AKT3: variants seen among roughly 807,000 people sequenced by gnomAD.
AKT3 encodes the protein AKT serine/threonine kinase 3.
In AKT3, 15 loss-of-function variants were observed where a neutral mutation model predicts 65.3. The observed-to-expected ratio is 0.23, with a 90% CI of 0.15 to 0.35. The LOEUF (loss-of-function observed/expected upper bound fraction) is 0.35, where lower values mean the gene tolerates loss of function less well. Ranked by LOEUF, AKT3 falls within the 10% of genes least tolerant of loss-of-function variation. The pLI, the probability that AKT3 is intolerant of heterozygous loss-of-function variation, is 1.00. For missense variants in AKT3, 243 were observed against 576.5 expected, an observed-to-expected ratio of 0.42 and a Z score of 5.92; for synonymous variants, 206 against 183.8, an observed-to-expected ratio of 1.12 and a Z score of -0.98.
In AKT3 at chr1:243,592,266, C is replaced by T. The variant is rs907105839; in HGVS notation, c.697-19218G>A. ...AGGAGAATGGCGTGAACCCAGGAGG[C>T]GGAGCTTGCAGTGAGCCCAGATCAC... On this transcript the variant is annotated intron_variant, in intron 8 of 13. Transcript: ENST00000673466. Among the ~76,000 whole-genome samples, 12 of 151,534 alleles carry T rather than the reference C, an allele frequency of 7.9e-5. No individual in the cohort carries two copies. The East Asian group carries it at 1.7e-3, about 22-fold the overall frequency.
intron 8 of AKT3, among the ~76,000 whole-genome samples, chr1:243,582,816 T>C (rs1474940489): frequency 6.6e-6 from 1 of 151,930 alleles, no homozygotes; most frequent in Non-Finnish European, 1.5e-5. Flanking sequence ...CAGAGTGGCA[T>C]GTTGGATAAA....
At chr1:243,560,928 T>C (rs964972073) in intron 10 of AKT3, among the ~76,000 whole-genome samples, 3 of 152,102 alleles carry the variant, frequency 2.0e-5, no homozygotes, top group Non-Finnish European at 4.4e-5. Context: ...AGCAAATTTA[T>C]AGCAGGGGTA....
At chr1:243,751,645 A>C (rs1688819615) in intron 2 of AKT3, among the ~76,000 whole-genome samples, 1 of 152,116 alleles carries the variant, frequency 6.6e-6, no homozygotes, top group Non-Finnish European at 1.5e-5. Context: ...ATACACAGGG[A>C]CTCAGATTTA....
intron 1 of AKT3, among the ~76,000 whole-genome samples, chr1:243,849,096 C>T (rs376137357): frequency 6.6e-6 from 1 of 152,216 alleles, no homozygotes; most frequent in Non-Finnish European, 1.5e-5. Context: ...CCCGCCTCGG[C>T]GTCAGGGTCA....
In AKT3 at chr1:243,502,237, G is replaced by T. The variant is rs919690094; in HGVS notation, c.*3012C>A. 8.6e-6 allele frequency: 2 copies of T among 232,790 alleles called. No individual in the cohort carries two copies. The highest frequency in any genetic ancestry group is 1.1e-4 in the Admixed American group (2 of 17,780). 14.4% of individuals were successfully genotyped at this position (232,790 alleles called of 1,614,324 possible). A position where few individuals can be genotyped will look rare whatever the true frequency, so the allele number is the denominator to read the frequency against. The stretch of plus-strand genomic sequence containing the variant: ...TGTGTATGTTGAGGTGTAATAGAGA[G>T]ACCCTGCAGTTAGTAAGGAAGGCCC... On this transcript the variant is annotated 3_prime_UTR_variant, in exon 14 of 14. Transcript: ENST00000673466.
At chr1:243,634,181 T>C (rs1679808248) in intron 6 of AKT3, among the ~76,000 whole-genome samples, 1 of 152,112 alleles carries the variant, frequency 6.6e-6, no homozygotes, top group South Asian at 2.1e-4. Context: ...AGATTAGTTA[T>C]CATATCAGAT....
At chr1:243,731,789 G>A (rs1166283691) in intron 2 of AKT3, among the ~76,000 whole-genome samples, 2 of 152,102 alleles carry the variant, frequency 1.3e-5, no homozygotes, top group African/African-American at 4.8e-5. Flanking sequence ...ATGGACCAAT[G>A]TACTTCACTA....
At chr1:243,726,130 T>C (rs1687195564) in intron 2 of AKT3, among the ~76,000 whole-genome samples, 1 of 152,250 alleles carries the variant, frequency 6.6e-6, no homozygotes, top group African/African-American at 2.4e-5. Flanking sequence ...TTAATTATTC[T>C]GTTGCTGGGC....
At chr1:243,636,470 T>C (rs986859152) in intron 6 of AKT3, among the ~76,000 whole-genome samples, 1 of 147,438 alleles carries the variant, frequency 6.8e-6, no homozygotes, top group African/African-American at 2.4e-5. Context: ...GCTTAATTAA[T>C]AATAAGTGCC....
chr1:243,583,193 T>C (rs61833181), intron 8 of AKT3, among the ~76,000 whole-genome samples: 818 of 38,334 alleles, frequency 0.021, 5 homozygotes, highest in Non-Finnish European at 0.035. Flanking sequence ...TATATATATA[T>C]ATACACACAC....
intron 2 of AKT3, among the ~76,000 whole-genome samples, chr1:243,709,613 A>G (rs879728432): frequency 6.6e-6 from 1 of 152,126 alleles, no homozygotes; most frequent in Non-Finnish European, 1.5e-5. Flanking sequence ...ATAAAAATTT[A>G]AATTCTATTT....
downstream of AKT3, among the ~76,000 whole-genome samples, chr1:243,495,807 T>C (rs1667709859): frequency 6.6e-6 from 1 of 152,190 alleles, no homozygotes; most frequent in South Asian, 2.1e-4. Context: ...CGTGGCTTAT[T>C]TCATCCAGGT....
chr1:243,623,163 G>T (rs1413992412), intron 6 of AKT3, among the ~76,000 whole-genome samples: 1 of 152,194 alleles, frequency 6.6e-6, no homozygotes, highest in African/African-American at 2.4e-5. Context: ...ACAACAGGAT[G>T]CATGATTAAT....
rs1299671104 is a variant in AKT3 at position 243,512,105 on chromosome 1, T to C, written c.1354+219A>G. Among the ~76,000 whole-genome samples, 6 of 152,240 alleles carry C rather than the reference T, an allele frequency of 3.9e-5. No homozygotes were observed. The East Asian group carries it at 9.6e-4, about 24-fold the overall frequency. ...CAATTTCTCTCTATATAATTTGTCC[T>C]ACCCAGAAAAGCATTTCTTGCAGTC... On this transcript the variant is annotated intron_variant, in intron 13 of 13. Coordinates refer to ENST00000673466, the MANE Select transcript of AKT3 (RefSeq NM_005465.7).
intron 2 of AKT3, among the ~76,000 whole-genome samples, chr1:243,815,698 A>G (rs1227236959): frequency 6.6e-6 from 1 of 151,748 alleles, no homozygotes; most frequent in East Asian, 1.9e-4. Flanking sequence ...CCCAGGCTCA[A>G]GAACTTAGAG....
intron 2 of AKT3, among the ~76,000 whole-genome samples, chr1:243,786,176 G>A (rs1691250152): frequency 2.0e-5 from 3 of 152,148 alleles, no homozygotes. Flanking sequence ...ACTGACCTAA[G>A]GTTATCCTCT....
intron 8 of AKT3, among the ~76,000 whole-genome samples, chr1:243,603,894 CTT>C (rs566682027): frequency 2.2e-4 from 28 of 129,880 alleles, no homozygotes; most frequent in Admixed American, 4.0e-4. Context: ...AATTAATAAT[CTT>C]TTTTTTTTTT....
chr1:243,841,911 T>C (rs1458439583), intron 2 of AKT3, among the ~76,000 whole-genome samples: 1 of 152,030 alleles, frequency 6.6e-6, no homozygotes, highest in Admixed American at 6.6e-5. Flanking sequence ...AAATCAGCCA[T>C]AAAAAAACTA....
chr1:243,835,360 A>G (rs1342337310), intron 2 of AKT3, among the ~76,000 whole-genome samples: 1 of 152,150 alleles, frequency 6.6e-6, no homozygotes, highest in Non-Finnish European at 1.5e-5. Context: ...GAGGATCTTA[A>G]AACTACCTAT....
Sources: gnomAD v4.1 joint callset for allele counts (sites outside exome capture counted in the v4.1 genomes callset) on GRCh38, gnomAD v4.1.1 for gene constraint, MANE v1.5 for transcripts, NCBI Gene and HGNC (gene_info 2026-07-23, HGNC 2026-07-21) for gene names.